Variants in KIF1A observed in about 807,000 individuals in gnomAD.
The protein encoded by KIF1A is kinesin family member 1A.
A neutral mutation model predicts 227.3 loss-of-function variants in KIF1A; 46 were observed. The ratio of observed to expected loss-of-function variants is 0.20; its 90% confidence interval spans 0.16 to 0.26. The LOEUF (loss-of-function observed/expected upper bound fraction) is 0.26, where lower values mean the gene tolerates loss of function less well. KIF1A is among the 10% of genes least tolerant of loss of function. The probability of loss-of-function intolerance (pLI) is 1.00; values close to 1 mark genes in which losing one functional copy is unlikely to be tolerated. For missense variants in KIF1A, 1,683 were observed against 2,485.9 expected (o/e 0.68, Z 6.87); for synonymous variants, 1,022 against 1,012.8 (o/e 1.01, Z -0.17).
At chr2:240,774,395 C>T (rs1438005829) in intron 11 of KIF1A, 134 bp from the exon 12 acceptor site, 5 of 415,752 alleles carry the variant, frequency 1.2e-5, no homozygotes, top group South Asian at 3.8e-5. Flanking sequence ...AGGCTTACCC[C>T]CCCCCCCACC....
At chr2:240,722,996 G>A (rs1205137592) in intron 42 of KIF1A, among the ~76,000 whole-genome samples, 3 of 152,204 alleles carry the variant, frequency 2.0e-5, no homozygotes, top group Non-Finnish European at 4.4e-5. Flanking sequence ...GGGGTGGGCA[G>A]AGCCCTGGCC....
chr2:240,816,809 T>C (rs2058359127), intron 1 of KIF1A, among the ~76,000 whole-genome samples: 1 of 152,214 alleles, frequency 6.6e-6, no homozygotes, highest in African/African-American at 2.4e-5. Flanking sequence ...GCTGGCAGGA[T>C]GGGCTGGCAA....
intron 10 of KIF1A, chr2:240,782,247 C>T (rs964931712): frequency 1.0e-6 from 1 of 964,866 alleles, no homozygotes; most frequent in African/African-American, 1.8e-5. Context: ...CCTCTCAGGG[C>T]TCCCCAGCCC....
At chr2:240,798,229 G>C (rs777785400) in intron 1 of KIF1A, among the ~76,000 whole-genome samples, 13 of 152,252 alleles carry the variant, frequency 8.5e-5, no homozygotes, top group Non-Finnish European at 1.5e-4. Context: ...CTTTAAAACA[G>C]AACAGTGTTC....
At chr2:240,759,024 T>C (rs184637763) in intron 25 of KIF1A, among the ~76,000 whole-genome samples, 2 of 152,130 alleles carry the variant, frequency 1.3e-5, no homozygotes, top group South Asian at 2.1e-4. Flanking sequence ...AGAAACCACA[T>C]CAACAGTGGC....
rs759679465 is a variant in KIF1A at position 240,722,495 on chromosome 2, C to T, written c.4626G>A (p.Leu1542=). The T allele has an allele frequency of 5.8e-6, 9 of 1,547,652 alleles. No homozygotes were observed. In the African/African-American group the frequency reaches 1.1e-4, roughly 19 times the overall value. ...PLSAEGRPSP[L]EAPNERQREL... is the part of the protein sequence containing the mutation. Reference sequence around the variant, plus strand: ...CCCGCTGCCTCTCGTTGGGAGCCTCCAGGGGTGATGGGCGGCCCTCAGCCG... The same window carrying T: ...CCCGCTGCCTCTCGTTGGGAGCCTCTAGGGGTGATGGGCGGCCCTCAGCCG... Residue 1542 remains leucine, a synonymous_variant, in exon 43 of 49, where the codon CTG becomes CTA. Transcript: ENST00000498729.
At chr2:240,773,279 G>A (rs2052262872) in intron 12 of KIF1A, 23 bp from the exon 13 acceptor site, 1 of 1,613,582 alleles carries the variant, frequency 6.2e-7, no homozygotes, top group Non-Finnish European at 8.5e-7. Flanking sequence ...GGGGGCTGTG[G>A]GCTGTGCTCG....
intron 10 of KIF1A, among the ~76,000 whole-genome samples, chr2:240,779,928 C>T (rs924937296): frequency 1.2e-4 from 18 of 152,138 alleles, no homozygotes; most frequent in African/African-American, 3.9e-4. Flanking sequence ...ACGGTGCTTC[C>T]GTTTTCAAAC....
chr2:240,776,296 C>T (rs544938968), intron 10 of KIF1A, among the ~76,000 whole-genome samples: 7 of 152,348 alleles, frequency 4.6e-5, no homozygotes, highest in African/African-American at 1.2e-4. Flanking sequence ...GGCCCCTCCT[C>T]GAACACCATC....
rs1315813330 is a variant in KIF1A, at chr2:240,775,240, G to A, written c.958+611C>T. On this transcript the variant is annotated intron_variant, in intron 11 of 48. Transcript: ENST00000498729. The surrounding 1 kb of genome is among the most constrained non-coding windows in gnomAD (Gnocchi z 5.5). ...GGGCTCTGCACACCTCAGCCATGCG[G>A]CTGAGGGAGGCCAGGGACCCCCAGT... is the stretch of plus-strand genomic sequence containing the variant. 6.6e-6 allele frequency among the ~76,000 whole-genome samples: 1 copy of A among 152,226 alleles called. No individual in the cohort carries two copies. The highest frequency in any genetic ancestry group is 1.5e-5 in the Non-Finnish European group (1 of 68,036).
intron 42 of KIF1A, 53 bp from the exon 43 acceptor site, chr2:240,722,709 A>C: frequency 7.2e-7 from 1 of 1,383,736 alleles, no homozygotes; most frequent in East Asian, 2.5e-5. Flanking sequence ...TGACCTCCGG[A>C]GTTGTGCTCA....
rs546034328 is a variant in KIF1A, at chr2:240,753,895, C to T, written c.2859-3348G>A. On this transcript the variant is annotated intron_variant, in intron 27 of 48. Coordinates refer to ENST00000498729, the MANE Select transcript of KIF1A (RefSeq NM_001244008.2). The stretch of plus-strand genomic sequence containing the variant: ...GGGCCTGCAAGGGACTCATCTCCAG[C>T]TCAACTGTGTGGACACCAAGCTCCA... Among the ~76,000 whole-genome samples, 518 of 152,310 alleles carry T rather than the reference C, an allele frequency of 3.4e-3. 5 individuals carry two copies. Among genetic ancestry groups the T allele is most frequent in the Non-Finnish European group, 3.6e-3 (246 of 68,026 alleles).
chr2:240,784,321 C>T (rs532967873), intron 7 of KIF1A, among the ~76,000 whole-genome samples: 22 of 152,118 alleles, frequency 1.4e-4, no homozygotes, highest in Non-Finnish European at 2.1e-4. Context: ...GAGGCCTGGC[C>T]CCTCCTGAGC....
intron 27 of KIF1A, among the ~76,000 whole-genome samples, chr2:240,754,235 G>A (rs1165429412): frequency 6.6e-6 from 1 of 152,162 alleles, no homozygotes; most frequent in African/African-American, 2.4e-5. Context: ...GACCCCGGAG[G>A]TCTGACACCA....
chr2:240,772,734 G>T (rs1265158189), intron 13 of KIF1A, 138 bp from the exon 14 acceptor site: 2 of 698,316 alleles, frequency 2.9e-6, no homozygotes, highest in Non-Finnish European at 5.0e-6. Flanking sequence ...GGTGGTGAAG[G>T]TCTTCAGCTC....
chr2:240,772,255 C>T (rs920618419), intron 14 of KIF1A, among the ~76,000 whole-genome samples: 5 of 152,180 alleles, frequency 3.3e-5, no homozygotes, highest in African/African-American at 1.2e-4. Context: ...CACAGGGGGT[C>T]AGAGGACCTG....
At position 240,728,441 on chromosome 2, in the gene KIF1A, C is replaced by T. The variant is rs150463299; in HGVS notation, c.4008-1501G>A. 8.0e-5 allele frequency: 103 copies of T among 1,285,844 alleles called. No individual in the cohort carries two copies. In the East Asian group the frequency reaches 2.8e-3, roughly 35 times the overall value. The allele number at this position is 1,285,844 out of a possible 1,614,324, so 79.7% of individuals were successfully genotyped here. A position where few individuals can be genotyped will look rare whatever the true frequency, so the allele number is the denominator to read the frequency against. ...AAGGTGGAGGCAGCCAGGACACACA[C>T]GTACACATACAGAAGAAATGGAGAT... On this transcript the variant is annotated intron_variant, in intron 38 of 48. Coordinates refer to ENST00000498729, the MANE Select transcript of KIF1A (RefSeq NM_001244008.2).
At position 240,763,040 on chromosome 2, in the gene KIF1A, G is replaced by A. The variant is rs1432995323; in HGVS notation, c.2001C>T (p.Tyr667=). Residue 667 remains tyrosine (Y), a synonymous_variant, in exon 22 of 49, where the codon TAC becomes TAT. Transcript: ENST00000498729. ...QYRREREEAT[Y]LLEQQRLDYE... Reference sequence around the variant, plus strand: ...TCACCAGCCGCTGCTGCTCCAGCAGGTAGGTGGCCTCCTCCCGCTCGCGGC... The same window carrying A: ...TCACCAGCCGCTGCTGCTCCAGCAGATAGGTGGCCTCCTCCCGCTCGCGGC... 1 of 1,526,918 alleles carries A rather than the reference G, an allele frequency of 6.5e-7. No individual in the cohort carries two copies. Among genetic ancestry groups the A allele is most frequent in the African/African-American group, 1.4e-5 (1 of 73,362 alleles). 94.6% of individuals were successfully genotyped at this position (1,526,918 alleles called of 1,614,324 possible).
chr2:240,782,865 G>A (rs1035002499), intron 9 of KIF1A, among the ~76,000 whole-genome samples, 179 bp downstream of exon 9: 8 of 152,024 alleles, frequency 5.3e-5, no homozygotes, highest in African/African-American at 1.7e-4. Context: ...TGAGGGTCCC[G>A]GGAGAAACCA....
Sources: gnomAD v4.1 joint callset for allele counts (sites outside exome capture counted in the v4.1 genomes callset) on GRCh38, gnomAD v4.1.1 for gene constraint, Gnocchi (gnomAD v3.1) non-coding constraint, MANE v1.5 for transcripts, NCBI Gene and HGNC (gene_info 2026-07-23, HGNC 2026-07-21) for gene names.